Variants in RANBP2 observed in about 807,000 individuals in gnomAD.
RANBP2 encodes the protein E3 SUMO-protein ligase RanBP2.
A neutral mutation model predicts 303.6 loss-of-function variants in RANBP2; 57 were observed. That is an observed-to-expected ratio of 0.19 (90% CI 0.15 to 0.23). RANBP2 has a LOEUF of 0.23. RANBP2 is among the 10% of genes least tolerant of loss of function. The pLI is 1.00. For missense variants in RANBP2, 3,138 were observed against 3,780.8 expected (o/e 0.83, Z 4.46); for synonymous variants, 1,167 against 1,301.5 (o/e 0.90, Z 2.23).
chr2:109,661,310 G>A, the RANBP2 span, among the ~76,000 whole-genome samples: 3 of 150,130 alleles, frequency 2.0e-5, no homozygotes, highest in African/African-American at 4.9e-5. Flanking sequence ...GCAATGGCAC[G>A]ATCTCAGCTC....
At chr2:109,037,415 T>G in the RANBP2 span, among the ~76,000 whole-genome samples, 1 of 151,914 alleles carries the variant, frequency 6.6e-6, no homozygotes. Flanking sequence ...AAGCAATCTG[T>G]TCTCACCACT....
At chr2:109,250,545 T>G in the RANBP2 span, among the ~76,000 whole-genome samples, 1 of 151,942 alleles carries the variant, frequency 6.6e-6, no homozygotes, top group African/African-American at 2.4e-5. Context: ...AATTTGACCG[T>G]TTTTCTTTTT....
chr2:109,348,124 G>C, the RANBP2 span, among the ~76,000 whole-genome samples: 1 of 152,146 alleles, frequency 6.6e-6, no homozygotes, highest in Non-Finnish European at 1.5e-5. Flanking sequence ...CATGAATGGG[G>C]TGATGGTTTT....
the RANBP2 span, among the ~76,000 whole-genome samples, chr2:109,629,337 ATATATATATATATATATATT>A: frequency 0.16 from 1,566 of 10,092 alleles, 86 homozygotes; most frequent in South Asian, 0.23. Flanking sequence ...ATATATATAT[ATATATATATATATATATATT>A]TTTTTTTTTT....
At chr2:109,036,633 C>G in the RANBP2 span, among the ~76,000 whole-genome samples, 1 of 152,086 alleles carries the variant, frequency 6.6e-6, no homozygotes, top group Admixed American at 6.6e-5. Context: ...CAATCCTATG[C>G]CCATTCACGG....
chr2:109,580,996 G>A, the RANBP2 span, among the ~76,000 whole-genome samples: 2 of 152,224 alleles, frequency 1.3e-5, no homozygotes, highest in African/African-American at 4.8e-5. Flanking sequence ...CACATCTGGA[G>A]AGGGCCCCCA....
the RANBP2 span, among the ~76,000 whole-genome samples, chr2:109,040,267 A>G: frequency 6.6e-6 from 1 of 152,136 alleles, no homozygotes; most frequent in Admixed American, 6.6e-5. Context: ...CTGTATATTC[A>G]TGATGTGTTT....
chr2:109,652,560 G>A, the RANBP2 span, among the ~76,000 whole-genome samples: 1 of 151,942 alleles, frequency 6.6e-6, no homozygotes, highest in African/African-American at 2.4e-5. Context: ...GCTGACCAAG[G>A]GACCCCTACA....
the RANBP2 span, chr2:109,615,780 G>A: frequency 2.5e-6 from 4 of 1,614,064 alleles, no homozygotes; most frequent in South Asian, 2.2e-5. Flanking sequence ...ACTCTCACAC[G>A]CCCTAGAAGA....
intron 20 of RANBP2, 103 bp downstream of exon 20, chr2:108,768,491 C>A: frequency 1.3e-6 from 2 of 1,590,500 alleles, no homozygotes; most frequent in Non-Finnish European, 1.7e-6. Context: ...ATAAATGATG[C>A]TTTGTGAACA....
the RANBP2 span, among the ~76,000 whole-genome samples, chr2:109,688,900 C>T: frequency 6.8e-6 from 1 of 148,096 alleles, no homozygotes; most frequent in Non-Finnish European, 1.5e-5. Context: ...TCCTTCCTTC[C>T]TTCCTTTCTT....
the RANBP2 span, among the ~76,000 whole-genome samples, chr2:109,060,829 C>A: frequency 0.17 from 26,552 of 151,994 alleles, 2,381 homozygotes; most frequent in African/African-American, 0.21. Flanking sequence ...ATTATAATTT[C>A]TTTATAAATG....
chr2:109,206,335 C>G, the RANBP2 span, among the ~76,000 whole-genome samples: 1 of 151,336 alleles, frequency 6.6e-6, no homozygotes, highest in Non-Finnish European at 1.5e-5. Flanking sequence ...CTAAAAAATA[C>G]CAAAAATTTG....
At chr2:109,499,655 C>T in the RANBP2 span, among the ~76,000 whole-genome samples, 2 of 152,198 alleles carry the variant, frequency 1.3e-5, no homozygotes, top group East Asian at 1.9e-4. Context: ...TCGTCCTTGG[C>T]AGTGTTTTAG....
At chr2:109,148,958 C>T in the RANBP2 span, among the ~76,000 whole-genome samples, 1 of 152,156 alleles carries the variant, frequency 6.6e-6, no homozygotes, top group Non-Finnish European at 1.5e-5. Context: ...CAGACAGAGC[C>T]CAGGCAAGCT....
At chr2:109,367,520 G>A in the RANBP2 span, among the ~76,000 whole-genome samples, 1 of 152,174 alleles carries the variant, frequency 6.6e-6, no homozygotes, top group South Asian at 2.1e-4. Context: ...GACCTCAGGT[G>A]ATCCACCGAC....
chr2:109,333,420 A>G, the RANBP2 span, among the ~76,000 whole-genome samples: 1 of 152,244 alleles, frequency 6.6e-6, no homozygotes, highest in Non-Finnish European at 1.5e-5. Context: ...AAAAACACAA[A>G]ATAAAACAAG....
chr2:108,753,797 T>C (rs765482937), intron 14 of RANBP2, 28 bp from the exon 15 acceptor site: 2 of 1,611,772 alleles, frequency 1.2e-6, no homozygotes, highest in South Asian at 2.2e-5. Flanking sequence ...AAAAACCTAA[T>C]GATTTCATAA....
the RANBP2 span, chr2:109,616,612 A>G: frequency 6.0e-6 from 1 of 167,144 alleles, no homozygotes; most frequent in Admixed American, 6.5e-5. Flanking sequence ...TACTAATTAG[A>G]GAATAATGTG....
Sources: gnomAD v4.1 joint callset for allele counts (sites outside exome capture counted in the v4.1 genomes callset) on GRCh38, gnomAD v4.1.1 for gene constraint, MANE v1.5 for transcripts, NCBI Gene and HGNC (gene_info 2026-07-23, HGNC 2026-07-21) for gene names.